NKIRAS1: variants seen among roughly 807,000 people sequenced by gnomAD.
NKIRAS1 encodes NFKB inhibitor interacting Ras like 1.
Under a neutral mutation model 19.8 loss-of-function variants are expected in NKIRAS1, and 16 were observed. That is an observed-to-expected ratio of 0.81 (90% CI 0.55 to 1.23). NKIRAS1 has a LOEUF of 1.23. Among genes scored for constraint, NKIRAS1 ranks in the 50% most tolerant of loss-of-function variants. NKIRAS1 has a pLI of 0.00. For synonymous variants in NKIRAS1, 88 were observed against 79.0 expected (o/e 1.11, Z -0.61); for missense variants, 184 against 220.0 (o/e 0.84, Z 1.04).
chr3:23,939,523 C>T (rs1705455143), intron 1 of NKIRAS1, among the ~76,000 whole-genome samples: 1 of 152,118 alleles, frequency 6.6e-6, no homozygotes, highest in African/African-American at 2.4e-5. Context: ...TTGGGCGGAT[C>T]ATGAGGCCAG....
intron 1 of NKIRAS1, among the ~76,000 whole-genome samples, chr3:23,938,224 T>TTTC (rs1195463377): frequency 2.6e-5 from 4 of 151,464 alleles, no homozygotes. Flanking sequence ...TTTTTTTTTT[T>TTTC]CTTGAGACAG....
At chr3:23,931,206 A>G (rs1473910821) in intron 1 of NKIRAS1, among the ~76,000 whole-genome samples, 4 of 152,140 alleles carry the variant, frequency 2.6e-5, no homozygotes, top group African/African-American at 9.7e-5. Context: ...AACTCTTCGT[A>G]AAGTTTCAAA....
upstream of NKIRAS1, chr3:23,919,644 T>C: frequency 7.0e-7 from 1 of 1,419,856 alleles, no homozygotes; most frequent in South Asian, 1.6e-5. Flanking sequence ...AGTGCAATAA[T>C]GTTTGAAGAC....
intron 1 of NKIRAS1, among the ~76,000 whole-genome samples, chr3:23,913,297 G>C (rs1164447525): frequency 6.6e-6 from 1 of 152,104 alleles, no homozygotes; most frequent in Non-Finnish European, 1.5e-5. Context: ...CACTAGCTAA[G>C]AATTTTAAGC....
chr3:23,911,058 G>C (rs1291926851), intron 2 of NKIRAS1, 137 bp from the exon 3 acceptor site: 5 of 657,818 alleles, frequency 7.6e-6, no homozygotes, highest in Non-Finnish European at 1.0e-5. Context: ...TATAGAATAA[G>C]GTATAGCCTT....
upstream of NKIRAS1, chr3:23,920,517 T>C: frequency 2.0e-6 from 2 of 985,278 alleles, no homozygotes; most frequent in Non-Finnish European, 2.4e-6. Context: ...ACATTGCATT[T>C]CTGTTTGCAC....
chr3:23,896,905 G>A (rs992233177), intron 4 of NKIRAS1, among the ~76,000 whole-genome samples: 2 of 151,866 alleles, frequency 1.3e-5, no homozygotes, highest in Admixed American at 1.3e-4. Context: ...GCCACCTGGT[G>A]TGAGAAAGGG....
At chr3:23,945,744 C>T (rs1705654150) in intron 1 of NKIRAS1, 3 of 532,056 alleles carry the variant, frequency 5.6e-6, no homozygotes, top group Non-Finnish European at 5.3e-6. Context: ...TGGCTCGGTT[C>T]CCATCGCCCC....
intron 1 of NKIRAS1, chr3:23,916,307 A>C (rs973348302): frequency 1.3e-4 from 20 of 152,066 alleles, no homozygotes; most frequent in African/African-American, 4.6e-4. Context: ...CTATTTCTCA[A>C]TTTAAAAAAA....
intron 3 of NKIRAS1, among the ~76,000 whole-genome samples, chr3:23,901,982 G>A (rs1702566312): frequency 6.6e-6 from 1 of 152,164 alleles, no homozygotes; most frequent in Non-Finnish European, 1.5e-5. Context: ...TTGAGGCAGG[G>A]AGAATTGCTT....
At chr3:23,919,319 A>C, upstream of NKIRAS1, 1 of 1,604,240 alleles carries the variant, frequency 6.2e-7, no homozygotes, top group South Asian at 1.1e-5. Flanking sequence ...TATCAGAAGA[A>C]ATCCTGACAC....
At chr3:23,907,097 T>C (rs1322459489) in intron 3 of NKIRAS1, among the ~76,000 whole-genome samples, 2 of 152,136 alleles carry the variant, frequency 1.3e-5, no homozygotes, top group Non-Finnish European at 2.9e-5. Context: ...TTTCGCCATG[T>C]TGGCCATGCT....
chr3:23,910,966 T>A, intron 2 of NKIRAS1, 45 bp from the exon 3 acceptor site: 2 of 1,379,006 alleles, frequency 1.5e-6, no homozygotes, highest in Non-Finnish European at 2.1e-6. Context: ...ACTGTTGAAA[T>A]TAACCATTTC....
At chr3:23,901,176 TTAC>T in intron 3 of NKIRAS1, 127 bp from the exon 4 acceptor site, 6 of 1,084,562 alleles carry the variant, frequency 5.5e-6, no homozygotes, top group Admixed American at 2.4e-5. Flanking sequence ...CATTTCTATT[TTAC>T]TTTTTTTTTT....
chr3:23,900,515 T>C (rs1575073281), intron 4 of NKIRAS1, among the ~76,000 whole-genome samples: 1 of 150,762 alleles, frequency 6.6e-6, no homozygotes, highest in Non-Finnish European at 1.5e-5. Flanking sequence ...CACTCCTGTA[T>C]TCCCAGCTAC....
chr3:23,940,913 T>C (rs1705483374), intron 1 of NKIRAS1, among the ~76,000 whole-genome samples: 1 of 152,210 alleles, frequency 6.6e-6, no homozygotes, highest in Non-Finnish European at 1.5e-5. Flanking sequence ...TTTGTTGCTA[T>C]GTGATGATGT....
intron 1 of NKIRAS1, chr3:23,945,576 A>G (rs774718447): frequency 9.6e-6 from 11 of 1,151,472 alleles, no homozygotes; most frequent in Non-Finnish European, 3.2e-6. Context: ...CCGCGAGGGC[A>G]CCATGGAGGT....
At chr3:23,940,234 C>T (rs1559517485) in intron 1 of NKIRAS1, among the ~76,000 whole-genome samples, 1 of 149,438 alleles carries the variant, frequency 6.7e-6, no homozygotes, top group Non-Finnish European at 1.5e-5. Flanking sequence ...GTGGTCCTAG[C>T]TAATTGAGAG....
intron 1 of NKIRAS1, among the ~76,000 whole-genome samples, chr3:23,930,279 G>A (rs9843244): frequency 0.63 from 95,273 of 151,862 alleles, 30,149 homozygotes; most frequent in Middle Eastern, 0.72. Flanking sequence ...AAGGGATAAA[G>A]ATGTAGTGGA....
Sources: gnomAD v4.1 joint callset for allele counts (sites outside exome capture counted in the v4.1 genomes callset) on GRCh38, gnomAD v4.1.1 for gene constraint, MANE v1.5 for transcripts, NCBI Gene and HGNC (gene_info 2026-07-23, HGNC 2026-07-21) for gene names.